Variants in CNTNAP2 observed in about 807,000 individuals in gnomAD.
The protein encoded by CNTNAP2 is contactin-associated protein-like 2.
Under a neutral mutation model 155.2 loss-of-function variants are expected in CNTNAP2, and 98 were observed. The ratio of observed to expected loss-of-function variants is 0.63; its 90% confidence interval spans 0.54 to 0.75. CNTNAP2 has a LOEUF of 0.75. Ranked by LOEUF, CNTNAP2 falls within the 30% of genes least tolerant of loss-of-function variation. The pLI is 0.00. For missense variants in CNTNAP2, 1,727 were observed against 1,688.1 expected, an observed-to-expected ratio of 1.02 and a Z score of -0.40; for synonymous variants, 651 against 631.2, an observed-to-expected ratio of 1.03 and a Z score of -0.47.
At chr7:146,664,838 C>A (rs934044091) in intron 1 of CNTNAP2, among the ~76,000 whole-genome samples, 1 of 152,058 alleles carries the variant, frequency 6.6e-6, no homozygotes, top group African/African-American at 2.4e-5. Context: ...ACTATTTAGG[C>A]TGTTTCTTCT....
In CNTNAP2 at chr7:147,008,764, T is replaced by G. The variant is rs534031394; in HGVS notation, c.403-35143T>G. Among the ~76,000 whole-genome samples, 5 of 152,178 alleles carry G rather than the reference T, an allele frequency of 3.3e-5. No individual in the cohort carries two copies. In the East Asian group the frequency reaches 5.8e-4, roughly 18 times the overall value. ...AAAGGCAAATATGTAGGGAGACTAA[T>G]GGTAGATAAAGCCTAGTTCGTAAGG... is the stretch of plus-strand genomic sequence containing the variant. On this transcript the variant is annotated intron_variant, in intron 3 of 23. Coordinates refer to ENST00000361727, the MANE Select transcript of CNTNAP2 (RefSeq NM_014141.6).
At chr7:148,307,321 C>T (rs555459416) in intron 21 of CNTNAP2, among the ~76,000 whole-genome samples, 1 of 152,246 alleles carries the variant, frequency 6.6e-6, no homozygotes, top group African/African-American at 2.4e-5. Flanking sequence ...CCAGTGAGTT[C>T]TTCTGTTTTT....
chr7:146,784,760 C>T (rs1802545743), intron 2 of CNTNAP2, among the ~76,000 whole-genome samples: 1 of 152,114 alleles, frequency 6.6e-6, no homozygotes, highest in Non-Finnish European at 1.5e-5. Context: ...TGGTCTTGAT[C>T]TTACTGGGCT....
At chr7:148,209,298 CTTTT>C (rs11371612) in intron 18 of CNTNAP2, among the ~76,000 whole-genome samples, 27 of 130,406 alleles carry the variant, frequency 2.1e-4, no homozygotes, top group Non-Finnish European at 2.7e-4. Context: ...TCTTTTCTTC[CTTTT>C]TTTTTTTTTT....
intron 22 of CNTNAP2, 148 bp downstream of exon 22, chr7:148,384,036 T>A: frequency 8.1e-6 from 9 of 1,113,296 alleles, no homozygotes; most frequent in South Asian, 1.4e-5. Flanking sequence ...AGTACGGAGT[T>A]CTCAGGGCAG....
At chr7:147,627,360 T>C (rs1175784455) in intron 12 of CNTNAP2, among the ~76,000 whole-genome samples, 2 of 152,130 alleles carry the variant, frequency 1.3e-5, no homozygotes, top group East Asian at 3.9e-4. Flanking sequence ...AGGTTGATTA[T>C]TAAGGTACTC....
intron 3 of CNTNAP2, among the ~76,000 whole-genome samples, chr7:146,956,989 A>T (rs1444183179): frequency 6.6e-6 from 1 of 152,128 alleles, no homozygotes; most frequent in Non-Finnish European, 1.5e-5. Context: ...CGTCCTTAGG[A>T]GATTTCTCAT....
Position 148,333,446 on chromosome 7 carries a change from ACT to A in CNTNAP2, c.3476-50201_3476-50200del, listed in dbSNP as rs1304809192. ...CATCTCAGGAAAGGAAAAAAAAAAC[ACT>A]CATTTTTTAGGTGAAGTTAATTGAC... On this transcript the variant is annotated intron_variant, in intron 21 of 23. Coordinates refer to ENST00000361727, the MANE Select transcript of CNTNAP2 (RefSeq NM_014141.6). Among the ~76,000 whole-genome samples the A allele has an allele frequency of 2.5e-3, 215 of 85,142 alleles. 1 individual carries two copies. Among genetic ancestry groups the A allele is most frequent in the African/African-American group, 5.8e-3 (164 of 28,134 alleles). 55.9% of individuals were successfully genotyped at this position (85,142 alleles called of 152,430 possible).
At chr7:148,272,163 A>G (rs937502146) in intron 21 of CNTNAP2, among the ~76,000 whole-genome samples, 7 of 152,224 alleles carry the variant, frequency 4.6e-5, no homozygotes, top group African/African-American at 1.7e-4. Flanking sequence ...GATCACTGCC[A>G]ACCAACAGCA....
intron 11 of CNTNAP2, among the ~76,000 whole-genome samples, chr7:147,529,837 C>G (rs1799399901): frequency 6.6e-6 from 1 of 152,090 alleles, no homozygotes; most frequent in South Asian, 2.1e-4. Flanking sequence ...CCATAATGTT[C>G]CATTATGTTT....
intron 15 of CNTNAP2, among the ~76,000 whole-genome samples, chr7:148,117,493 G>A (rs1382385991): frequency 1.3e-5 from 2 of 152,204 alleles, no homozygotes; most frequent in African/African-American, 4.8e-5. Context: ...AGGTGTCTGG[G>A]TGGCCGTTGA....
At chr7:146,670,724 A>G (rs1489497129) in intron 1 of CNTNAP2, among the ~76,000 whole-genome samples, 1 of 152,056 alleles carries the variant, frequency 6.6e-6, no homozygotes, top group Non-Finnish European at 1.5e-5. Flanking sequence ...TACTGCCACA[A>G]TTCCAAGCCA....
intron 9 of CNTNAP2, among the ~76,000 whole-genome samples, chr7:147,380,430 G>T (rs1796516287): frequency 6.6e-6 from 1 of 151,922 alleles, no homozygotes; most frequent in South Asian, 2.1e-4. Context: ...AAATTGAAAA[G>T]CTTCTAAAGA....
intron 1 of CNTNAP2, among the ~76,000 whole-genome samples, chr7:146,148,708 G>T (rs1013518280): frequency 2.6e-5 from 4 of 152,024 alleles, no homozygotes; most frequent in African/African-American, 9.6e-5. Context: ...TATTACAAAG[G>T]CTATAATCAC....
chr7:148,016,201 G>A (rs1402049234), intron 15 of CNTNAP2, among the ~76,000 whole-genome samples: 3 of 152,310 alleles, frequency 2.0e-5, no homozygotes, highest in Admixed American at 6.5e-5. Context: ...GTAGAGGACC[G>A]GGGTGGACAT....
intron 13 of CNTNAP2, among the ~76,000 whole-genome samples, chr7:147,680,927 G>C (rs1164451646): frequency 6.6e-6 from 1 of 151,708 alleles, no homozygotes; most frequent in Admixed American, 6.6e-5. Flanking sequence ...CATAAGGCTG[G>C]AGTGCAATTA....
At chr7:146,404,689 G>T (rs1203395172) in intron 1 of CNTNAP2, among the ~76,000 whole-genome samples, 1 of 152,040 alleles carries the variant, frequency 6.6e-6, no homozygotes, top group Non-Finnish European at 1.5e-5. Context: ...CATCTTTACT[G>T]CTCAGCCATC....
intron 1 of CNTNAP2, among the ~76,000 whole-genome samples, chr7:146,609,263 T>C (rs1401971615): frequency 6.6e-6 from 1 of 152,210 alleles, no homozygotes; most frequent in Non-Finnish European, 1.5e-5. Flanking sequence ...TCTTCTGTAG[T>C]GAGCATTATC....
chr7:148,398,801 C>A (rs1021513463), intron 22 of CNTNAP2, among the ~76,000 whole-genome samples: 3 of 152,152 alleles, frequency 2.0e-5, no homozygotes, highest in Admixed American at 2.0e-4. Context: ...GACAATAGAT[C>A]CAGGGTCTCC....
Sources: gnomAD v4.1 joint callset for allele counts (sites outside exome capture counted in the v4.1 genomes callset) on GRCh38, gnomAD v4.1.1 for gene constraint, MANE v1.5 for transcripts, NCBI Gene and HGNC (gene_info 2026-07-23, HGNC 2026-07-21) for gene names.